The following OLFM3 variants were observed in gnomAD, a reference collection of about 807,000 sequenced individuals.
OLFM3 encodes olfactomedin 3, also known as noelin-3.
In OLFM3, 20 loss-of-function variants were observed where a neutral mutation model predicts 48.6. The ratio of observed to expected loss-of-function variants is 0.41; its 90% confidence interval spans 0.29 to 0.60. The LOEUF is 0.60. Ranked by LOEUF, OLFM3 falls within the 20% of genes least tolerant of loss-of-function variation. The probability of loss-of-function intolerance (pLI) is 0.28; values close to 1 mark genes in which losing one functional copy is unlikely to be tolerated. For synonymous variants in OLFM3, 222 were observed against 198.1 expected (o/e 1.12, Z -1.01); for missense variants, 437 against 544.3 (o/e 0.80, Z 1.96).
At position 101,806,230 on chromosome 1, in the gene OLFM3, TC is replaced by T. The variant is rs1327161779; in HGVS notation, c.593-49del. 8.6e-6 allele frequency: 12 copies of T among 1,392,652 alleles called. No individual in the cohort carries two copies. The East Asian group carries it at 9.2e-5, about 11-fold the overall frequency. The allele number at this position is 1,392,652 out of a possible 1,614,324, so 86.3% of individuals were successfully genotyped here. A position where few individuals can be genotyped will look rare whatever the true frequency, so the allele number is the denominator to read the frequency against. Reference sequence around the variant, plus strand: ...GTGTTAGGTGAACGCAGCCAATGATTCCAATACGCATACTCACACTAAGAGC... The same window carrying T: ...GTGTTAGGTGAACGCAGCCAATGATTCAATACGCATACTCACACTAAGAGC... On this transcript the variant is annotated intron_variant, in intron 4 of 5. Transcript: ENST00000370103.
intron 3 of OLFM3, among the ~76,000 whole-genome samples, chr1:101,826,865 C>A (rs1654888870): frequency 6.6e-6 from 1 of 152,176 alleles, no homozygotes. Flanking sequence ...CTGTTACAAT[C>A]AAAGGTTTTA....
chr1:101,960,005 A>G (rs920339669), intron 1 of OLFM3, among the ~76,000 whole-genome samples: 1 of 152,142 alleles, frequency 6.6e-6, no homozygotes, highest in South Asian at 2.1e-4. Context: ...TCTATAGAGG[A>G]TAAAAGTGTT....
chr1:101,990,409 T>C (rs917408379), intron 1 of OLFM3, among the ~76,000 whole-genome samples: 1 of 152,180 alleles, frequency 6.6e-6, no homozygotes, highest in Non-Finnish European at 1.5e-5. Flanking sequence ...TATAGGTTGA[T>C]TGATGTAAGT....
At chr1:101,944,047 T>TA (rs1553181781) in intron 1 of OLFM3, among the ~76,000 whole-genome samples, 28 of 149,400 alleles carry the variant, frequency 1.9e-4, no homozygotes, top group South Asian at 8.4e-4. Context: ...GTATATATTT[T>TA]TATATATATA....
At chr1:101,847,758 C>T (rs1656069130) in intron 1 of OLFM3, among the ~76,000 whole-genome samples, 1 of 152,164 alleles carries the variant, frequency 6.6e-6, no homozygotes, top group Non-Finnish European at 1.5e-5. Context: ...TTCAGTCACA[C>T]AGGAAACTCA....
rs777382296 is a variant in OLFM3, at chr1:101,806,136, T to C, written c.639A>G (p.Thr213=). 1 of 1,612,178 alleles carries C rather than the reference T, an allele frequency of 6.2e-7. No homozygotes were observed. The highest frequency in any genetic ancestry group is 8.5e-7 in the Non-Finnish European group (1 of 1,178,734). ...MKITGPVTVK[T]SGTRFGAWMT... is the part of the protein sequence containing the mutation. ...TCCAAGCACCAAATCGGGTTCCAGA[T>C]GTCTTGACTGTAACTGGGCCTGTGA... The change falls in exon 5 of 6, where the codon ACA becomes ACG. Residue 213 remains threonine, a synonymous_variant. Transcript: ENST00000370103.
chr1:101,861,653 A>C (rs1015376734), intron 1 of OLFM3, among the ~76,000 whole-genome samples: 1 of 152,170 alleles, frequency 6.6e-6, no homozygotes, highest in African/African-American at 2.4e-5. Context: ...GGCATGCCTT[A>C]GTTTCTTTTG....
chr1:101,986,878 G>T (rs937094321), intron 1 of OLFM3, among the ~76,000 whole-genome samples: 6 of 152,104 alleles, frequency 3.9e-5, no homozygotes, highest in Non-Finnish European at 8.8e-5. Context: ...GGGGTTGGGG[G>T]ATGTAGGAAG....
rs181856380 is a variant in OLFM3, at chr1:101,841,017, G to A, written c.70-3992C>T. ...ATATTTAAGAATGCTCTAAATAGGA[G>A]AATTAAAATTATAGTTTTAACAATT... On this transcript the variant is annotated intron_variant, in intron 1 of 5. Transcript: ENST00000370103. Among the ~76,000 whole-genome samples, 276 of 152,196 alleles carry A rather than the reference G, an allele frequency of 1.8e-3. 5 individuals are homozygous for A. Among genetic ancestry groups the A allele is most frequent in the Non-Finnish European group, 2.1e-3 (145 of 68,008 alleles).
chr1:101,894,272 A>T (rs1658111980), intron 1 of OLFM3, among the ~76,000 whole-genome samples: 2 of 152,194 alleles, frequency 1.3e-5, no homozygotes, highest in Non-Finnish European at 2.9e-5. Flanking sequence ...AATAGTTTTA[A>T]ATTTGGTTTC....
chr1:101,910,757 T>C (rs1032336427), intron 1 of OLFM3, among the ~76,000 whole-genome samples: 3 of 152,148 alleles, frequency 2.0e-5, no homozygotes, highest in African/African-American at 4.8e-5. Context: ...GATCCTAAAA[T>C]AGCACAATGA....
chr1:101,918,411 C>A (rs1658991756), intron 1 of OLFM3, among the ~76,000 whole-genome samples: 1 of 152,136 alleles, frequency 6.6e-6, no homozygotes, highest in African/African-American at 2.4e-5. Context: ...CTTCTGGAAG[C>A]TCCAGGAAAG....
intron 1 of OLFM3, among the ~76,000 whole-genome samples, chr1:101,842,624 G>A (rs1191142916): frequency 1.3e-5 from 2 of 152,096 alleles, no homozygotes; most frequent in Admixed American, 1.3e-4. Context: ...GACTTGGGGA[G>A]GTCCTTAGAA....
intron 1 of OLFM3, among the ~76,000 whole-genome samples, chr1:101,838,676 C>T (rs889960743): frequency 1.2e-4 from 19 of 152,080 alleles, no homozygotes; most frequent in African/African-American, 4.1e-4. Context: ...AGTTGGATCT[C>T]GCCATGCTGG....
chr1:101,952,578 C>T (rs1299368113), intron 1 of OLFM3, among the ~76,000 whole-genome samples: 1 of 151,782 alleles, frequency 6.6e-6, no homozygotes, highest in East Asian at 1.9e-4. Context: ...ATATGTATTG[C>T]ATATGTTTAT....
chr1:101,962,158 G>A (rs924465742), intron 1 of OLFM3, among the ~76,000 whole-genome samples: 1 of 152,222 alleles, frequency 6.6e-6, no homozygotes, highest in East Asian at 1.9e-4. Context: ...TGGGAGTTCA[G>A]TGTTGTAAAA....
chr1:101,823,887 A>G (rs1337598707), intron 4 of OLFM3, among the ~76,000 whole-genome samples: 1 of 151,908 alleles, frequency 6.6e-6, no homozygotes, highest in Non-Finnish European at 1.5e-5. Flanking sequence ...TCTCTTAGAA[A>G]TCCTGGTATG....
chr1:101,893,346 T>C lies in OLFM3; in HGVS notation c.70-56321A>G, dbSNP rs112649894. 1.6e-3 allele frequency: 629 copies of C among 382,504 alleles called. 2 individuals are homozygous for C. Among genetic ancestry groups the C allele is most frequent in the African/African-American group, 0.012 (545 of 46,808 alleles). The allele number at this position is 382,504 out of a possible 1,614,324, so 23.7% of individuals were successfully genotyped here. A position where few individuals can be genotyped will look rare whatever the true frequency, so the allele number is the denominator to read the frequency against. Reference sequence around the variant, plus strand: ...ATAGAACCCGGAATAGCTCAGCAAATTCAAGCTGTGTGCATGGAGACCCAG... The same window carrying C: ...ATAGAACCCGGAATAGCTCAGCAAACTCAAGCTGTGTGCATGGAGACCCAG... On this transcript the variant is annotated intron_variant, in intron 1 of 5. Coordinates refer to ENST00000370103, the MANE Select transcript of OLFM3 (RefSeq NM_058170.4).
Position 101,996,767 on chromosome 1 carries a change from G to T in OLFM3, c.50C>A (p.Ala17Asp), listed in dbSNP as rs1430696947. 1.2e-6 allele frequency: 2 copies of T among 1,614,206 alleles called. No individual in the cohort carries two copies. Among genetic ancestry groups the T allele is most frequent in the African/African-American group, 1.3e-5 (1 of 75,056 alleles). ...LLNLLLLSLF[A>D]GLDPSKTQIS... Reference sequence around the variant, plus strand: ...TCATACCTTGGAAGGATCTAATCCGGCAAACAAAGACAGCAGCAGGAGGTT... The same window carrying T: ...TCATACCTTGGAAGGATCTAATCCGTCAAACAAAGACAGCAGCAGGAGGTT... The change falls in exon 1 of 6, where the codon GCC becomes GAC. Residue 17 changes from alanine to aspartate, a missense_variant. This residue lies in a region of OLFM3 where 314 missense variants were observed against 365.5 expected (regional missense o/e 0.86). Transcript: ENST00000370103.
Sources: allele counts gnomAD v4.1 joint callset (sites outside exome capture counted in the v4.1 genomes callset), GRCh38; gene constraint gnomAD v4.1.1; regional missense constraint gnomAD v4.1.1; transcripts MANE v1.5; gene names NCBI Gene and HGNC (gene_info 2026-07-23, HGNC 2026-07-21).